PLA2G4C: variants seen among roughly 807,000 people sequenced by gnomAD.
The protein encoded by PLA2G4C is cytosolic phospholipase A2 gamma.
PLA2G4C carries 64 observed loss-of-function variants against 73.8 expected under a neutral mutation model. The observed-to-expected ratio is 0.87, with a 90% CI of 0.71 to 1.07. PLA2G4C has a LOEUF of 1.07. PLA2G4C is among the 50% of genes least tolerant of loss of function. PLA2G4C has a pLI of 0.00. For synonymous variants in PLA2G4C, 254 were observed against 252.1 expected (o/e 1.01, Z -0.07); for missense variants, 622 against 665.4 (o/e 0.93, Z 0.72).
At chr19:48,088,749 T>C in intron 8 of PLA2G4C, 37 bp from the exon 9 acceptor site, 1 of 1,471,770 alleles carries the variant, frequency 6.8e-7, no homozygotes, top group South Asian at 1.1e-5. Flanking sequence ...TGTTTATCTG[T>C]ACAACAAAGT....
chr19:48,080,056 G>C (rs149799683), intron 10 of PLA2G4C, among the ~76,000 whole-genome samples: 1,738 of 152,204 alleles, frequency 0.011, 40 homozygotes, highest in African/African-American at 0.04. Context: ...CACTGAATGC[G>C]AGCAAATATT....
chr19:48,059,270 C>CA (rs10686659), intron 14 of PLA2G4C, among the ~76,000 whole-genome samples: 14,660 of 139,044 alleles, frequency 0.11, 1,570 homozygotes, highest in African/African-American at 0.27. Context: ...GACTCTGTCT[C>CA]AAAAAAAAAA....
At chr19:48,077,994 C>T (rs780456445) in intron 10 of PLA2G4C, among the ~76,000 whole-genome samples, 170 bp from the exon 11 acceptor site, 4 of 152,062 alleles carry the variant, frequency 2.6e-5, no homozygotes, top group African/African-American at 9.7e-5. Flanking sequence ...ACTCTGTGCT[C>T]GCTGACCTCA....
At chr19:48,050,687 T>TTTTTTTTTTTTTTC (rs1479111127) in intron 16 of PLA2G4C, among the ~76,000 whole-genome samples, 1 of 140,570 alleles carries the variant, frequency 7.1e-6, no homozygotes, top group African/African-American at 2.6e-5. Context: ...TTTTTTTTTT[T>TTTTTTTTTTTTTTC]TTTTTGAGAC....
chr19:48,069,599 C>A (rs935802047), intron 12 of PLA2G4C, among the ~76,000 whole-genome samples: 3 of 152,122 alleles, frequency 2.0e-5, no homozygotes, highest in East Asian at 1.9e-4. Context: ...ACTGCCTCCC[C>A]CTCTGATTTC....
chr19:48,067,741 C>G, intron 13 of PLA2G4C, 50 bp downstream of exon 13: 1 of 1,228,886 alleles, frequency 8.1e-7, no homozygotes, highest in Non-Finnish European at 1.2e-6. Flanking sequence ...CTACTCCAGC[C>G]CATTCACACG....
In PLA2G4C at chr19:48,053,137, C is replaced by A. The variant is rs771533943; in HGVS notation, c.1440G>T (p.Glu480Asp). 7 of 1,592,596 alleles carry A rather than the reference C, an allele frequency of 4.4e-6. No homozygotes were observed. Among genetic ancestry groups the A allele is most frequent in the Non-Finnish European group, 6.0e-6 (7 of 1,163,942 alleles). ...FNIDACGGDI[E>D]AWSDTYDTFK... ...ATGTGTCGTATGTGTCACTCCATGC[C>A]TCAATATCACCTGAAGCATAACCAA... is the stretch of plus-strand genomic sequence containing the variant. The change falls in exon 16 of 17, where the codon GAG becomes GAT. Residue 480 changes from glutamate to aspartate, a missense_variant. Physicochemically the swap from Glu to Asp is conservative, Grantham distance 45 (BLOSUM62 2). Transcript: ENST00000599921.
chr19:48,086,861 G>T (rs1158119749), intron 9 of PLA2G4C, among the ~76,000 whole-genome samples: 1 of 152,178 alleles, frequency 6.6e-6, no homozygotes, highest in African/African-American at 2.4e-5. Flanking sequence ...AGCATTCAAG[G>T]AAGCCAACCT....
chr19:48,053,076 C>G lies in PLA2G4C; in HGVS notation c.1501G>C (p.Val501Leu). 1 of 1,613,294 alleles carries G rather than the reference C, an allele frequency of 6.2e-7. No individual in the cohort carries two copies. The part of the protein sequence containing the change: ...LADTYTLDVV[V>L]LLLALAKKNV... ...TTCTTGGCTAATGCCAAGAGTAGCA[C>G]CACCACATCTAGAGTGTAGGTGTCA... is the stretch of plus-strand genomic sequence containing the variant. Residue 501 changes from valine (V) to leucine (L), a missense_variant, in exon 16 of 17, where the codon GTG becomes CTG. By Grantham distance (32) the Val-to-Leu change is conservative (BLOSUM62 1). Transcript: ENST00000599921.
Position 48,099,775 on chromosome 19 carries a change from C to T in PLA2G4C, c.343G>A (p.Asp115Asn). The T allele has an allele frequency of 1.2e-6, 2 of 1,613,766 alleles. No individual in the cohort carries two copies. The highest frequency in any genetic ancestry group is 1.7e-6 in the Non-Finnish European group (2 of 1,179,682). ...LKHRFTRQEW[D>N]LAKSLQKTIQ... ...GTTTTCTGTAGGCTCTTAGCCAAGTCCCACTCCTGTCGGGTAAATCGATGT... is the reference window on the plus strand; with the variant it reads ...GTTTTCTGTAGGCTCTTAGCCAAGTTCCACTCCTGTCGGGTAAATCGATGT... Residue 115 changes from aspartate (D) to asparagine (N), a missense_variant, in exon 5 of 17, where the codon GAC (aspartate) becomes AAC (asparagine). By Grantham distance (23) the Asp-to-Asn change is conservative. Coordinates refer to ENST00000599921, the MANE Select transcript of PLA2G4C (RefSeq NM_003706.3).
chr19:48,103,761 T>C (rs1486136382), intron 4 of PLA2G4C, among the ~76,000 whole-genome samples: 4 of 152,206 alleles, frequency 2.6e-5, no homozygotes, highest in African/African-American at 9.6e-5. Context: ...AAAGTGCACC[T>C]GAACATGTAA....
At chr19:48,068,449 G>A (rs942130510) in intron 12 of PLA2G4C, among the ~76,000 whole-genome samples, 7 of 151,990 alleles carry the variant, frequency 4.6e-5, no homozygotes, top group East Asian at 1.9e-4. Flanking sequence ...TAGGGAAGCC[G>A]AGGTGGGAGG....
chr19:48,062,072 G>C lies in PLA2G4C; in HGVS notation c.1183C>G (p.Pro395Ala). ...TCCCGCGTCGGGGGCAGCACGAGTG[G>C]GAAGGGAGTGTTGATGGCTAAACCA... ...DAGLAINTPF[P>A]LVLPPTREVH... The change falls in exon 14 of 17, where the codon CCA (proline) becomes GCA (alanine). Residue 395 changes from proline to alanine, a missense_variant. Pro to Ala is a conservative substitution (Grantham distance 27). Transcript: ENST00000599921. 1 of 1,613,676 alleles carries C rather than the reference G, an allele frequency of 6.2e-7. No homozygotes were observed. Among genetic ancestry groups the C allele is most frequent in the South Asian group, 1.1e-5 (1 of 91,040 alleles).
chr19:48,055,795 C>T (rs1006021276), intron 14 of PLA2G4C, among the ~76,000 whole-genome samples: 6 of 151,932 alleles, frequency 3.9e-5, no homozygotes, highest in Non-Finnish European at 7.4e-5. Flanking sequence ...CCACCACGCC[C>T]GGCTAATTTC....
In PLA2G4C at chr19:48,105,924, TCCCTCCC is replaced by T. The variant is rs1568457451; in HGVS notation, c.9-487_9-481del. ...CTCCCTCCCTCCCTCCCTCCCTCCC[TCCCTCCC>T]TCCCTCCCTCCCTCCCTTCTTTCTT... On this transcript the variant is annotated intron_variant, in intron 2 of 16. Coordinates refer to ENST00000599921, the MANE Select transcript of PLA2G4C (RefSeq NM_003706.3). 4.2e-3 allele frequency among the ~76,000 whole-genome samples: 94 copies of T among 22,214 alleles called. 13 individuals carry two copies. The highest frequency in any genetic ancestry group is 0.032 in the East Asian group (9 of 282). The allele number at this position is 22,214 out of a possible 152,430, so 14.6% of individuals were successfully genotyped here.
chr19:48,099,143 C>T (rs931192754), intron 5 of PLA2G4C, among the ~76,000 whole-genome samples: 1 of 151,642 alleles, frequency 6.6e-6, no homozygotes, highest in Non-Finnish European at 1.5e-5. Flanking sequence ...TGGTGCATGC[C>T]TGTTGCCCCA....
At chr19:48,092,295 C>T (rs371973421) in intron 7 of PLA2G4C, among the ~76,000 whole-genome samples, 15 of 152,270 alleles carry the variant, frequency 9.9e-5, no homozygotes, top group Middle Eastern at 3.4e-3. Flanking sequence ...GTGATCCACC[C>T]GCCTCGGCCT....
intron 12 of PLA2G4C, 191 bp from the exon 13 acceptor site, chr19:48,068,077 A>G: frequency 3.5e-6 from 2 of 567,630 alleles, no homozygotes; most frequent in South Asian, 2.0e-5. Context: ...GCCGAGGCAG[A>G]AGGATCACCA....
At chr19:48,079,589 G>A (rs946907827) in intron 10 of PLA2G4C, among the ~76,000 whole-genome samples, 3 of 152,094 alleles carry the variant, frequency 2.0e-5, no homozygotes, top group African/African-American at 7.2e-5. Flanking sequence ...AATTCTAGAA[G>A]ATAACATCAA....
Sources: allele counts gnomAD v4.1 joint callset (sites outside exome capture counted in the v4.1 genomes callset), GRCh38; gene constraint gnomAD v4.1.1; transcripts MANE v1.5; gene names NCBI Gene and HGNC (gene_info 2026-07-23, HGNC 2026-07-21).